The following TMEM244 variants were observed in gnomAD, a reference collection of about 807,000 sequenced individuals.
TMEM244 encodes transmembrane protein 244.
In TMEM244, 13 loss-of-function variants were observed where a neutral mutation model predicts 15.8. That is an observed-to-expected ratio of 0.82 (90% CI 0.53 to 1.30). The LOEUF (loss-of-function observed/expected upper bound fraction) is 1.30, where lower values mean the gene tolerates loss of function less well. Ranked by LOEUF, TMEM244 falls within the 50% of genes most tolerant of loss-of-function variation. TMEM244 has a pLI of 0.00. For synonymous variants in TMEM244, 45 were observed against 48.7 expected (o/e 0.92, Z 0.32); for missense variants, 161 against 144.9 (o/e 1.11, Z -0.57).
intron 3 of TMEM244, among the ~76,000 whole-genome samples, chr6:129,837,689 G>A (rs1162381188): frequency 6.6e-6 from 1 of 152,158 alleles, no homozygotes; most frequent in African/African-American, 2.4e-5. Context: ...CATCTCATGT[G>A]CAAAGACGCA....
chr6:129,844,953 T>C (rs1776542334), intron 2 of TMEM244, among the ~76,000 whole-genome samples: 2 of 152,246 alleles, frequency 1.3e-5, no homozygotes, highest in South Asian at 4.1e-4. Flanking sequence ...AAATCATTTG[T>C]AAATATACAT....
At chr6:129,852,617 T>C (rs2114644464) in intron 1 of TMEM244, among the ~76,000 whole-genome samples, 1 of 152,208 alleles carries the variant, frequency 6.6e-6, no homozygotes, top group African/African-American at 2.4e-5. Context: ...GACCAGAGGA[T>C]GTGTTGTTCT....
chr6:129,857,011 TTAAA>T (rs1180221527), intron 1 of TMEM244, among the ~76,000 whole-genome samples: 3 of 152,084 alleles, frequency 2.0e-5, no homozygotes, highest in Non-Finnish European at 2.9e-5. Flanking sequence ...AAGCTTATGA[TTAAA>T]TAAATTCTTT....
intron 4 of TMEM244, among the ~76,000 whole-genome samples, chr6:129,831,979 T>C (rs2114630804): frequency 6.6e-6 from 1 of 152,284 alleles, no homozygotes; most frequent in South Asian, 2.1e-4. Flanking sequence ...AGGGTTTGTG[T>C]CTGTGGAAAC....
chr6:129,861,005 C>A, intron 1 of TMEM244, 151 bp downstream of exon 1: 3 of 747,390 alleles, frequency 4.0e-6, no homozygotes, highest in South Asian at 3.8e-5. Context: ...CCACAAGATG[C>A]AAGCCGTGCA....
At chr6:129,852,392 T>C (rs1353169525) in intron 1 of TMEM244, among the ~76,000 whole-genome samples, 1 of 152,180 alleles carries the variant, frequency 6.6e-6, no homozygotes, top group African/African-American at 2.4e-5. Context: ...TTTGCAAACC[T>C]TATCTCCTTT....
At chr6:129,836,203 G>A (rs374723157) in intron 3 of TMEM244, among the ~76,000 whole-genome samples, 11 of 152,126 alleles carry the variant, frequency 7.2e-5, no homozygotes, top group African/African-American at 2.4e-4. Flanking sequence ...CCTCTGGGAC[G>A]AAGCTTCCAG....
chr6:129,850,829 T>A (rs1305014164), intron 1 of TMEM244, among the ~76,000 whole-genome samples: 1 of 152,224 alleles, frequency 6.6e-6, no homozygotes, highest in Non-Finnish European at 1.5e-5. Context: ...ACATCTCAAT[T>A]CAGACTAGCT....
At chr6:129,842,051 C>G (rs1018572389) in intron 3 of TMEM244, among the ~76,000 whole-genome samples, 2 of 152,152 alleles carry the variant, frequency 1.3e-5, no homozygotes, top group African/African-American at 4.8e-5. Flanking sequence ...GAAAGGACGA[C>G]TGTAAACTCT....
intron 2 of TMEM244, among the ~76,000 whole-genome samples, chr6:129,843,829 C>A (rs1776524956): frequency 6.6e-6 from 1 of 152,144 alleles, no homozygotes; most frequent in African/African-American, 2.4e-5. Flanking sequence ...GCTAGAATTA[C>A]AAGTTGTGGT....
At chr6:129,852,367 C>T (rs549798790) in intron 1 of TMEM244, among the ~76,000 whole-genome samples, 6 of 152,216 alleles carry the variant, frequency 3.9e-5, no homozygotes, top group South Asian at 2.1e-4. Context: ...ATGTGCAAGA[C>T]GCCAAGCAAG....
At chr6:129,860,104 C>A (rs1310966868) in intron 1 of TMEM244, among the ~76,000 whole-genome samples, 2 of 140,610 alleles carry the variant, frequency 1.4e-5, no homozygotes, top group Non-Finnish European at 3.1e-5. Context: ...CTCTGCAATG[C>A]GTGTGTGTGT....
At chr6:129,848,944 C>T (rs1442554260) in intron 1 of TMEM244, among the ~76,000 whole-genome samples, 4 of 152,112 alleles carry the variant, frequency 2.6e-5, no homozygotes, top group South Asian at 2.1e-4. Context: ...CTTTTCTTAT[C>T]TCTGTTAGTA....
chr6:129,840,351 T>C (rs1172261567), intron 3 of TMEM244, among the ~76,000 whole-genome samples: 4 of 152,160 alleles, frequency 2.6e-5, no homozygotes, highest in Non-Finnish European at 4.4e-5. Context: ...ATTTAATAAA[T>C]GGTGCTGGGA....
intron 1 of TMEM244, among the ~76,000 whole-genome samples, chr6:129,855,601 C>T (rs1309645731): frequency 1.3e-5 from 2 of 152,164 alleles, no homozygotes; most frequent in African/African-American, 4.8e-5. Flanking sequence ...ATTCTAGAAT[C>T]AATCATATTT....
chr6:129,848,041 G>A (rs928105180), intron 1 of TMEM244, among the ~76,000 whole-genome samples: 2 of 151,778 alleles, frequency 1.3e-5, no homozygotes, highest in African/African-American at 2.4e-5. Flanking sequence ...CAGAAAGTGC[G>A]GGGATTACAG....
Position 129,836,954 on chromosome 6 carries a change from T to C in TMEM244, c.194-3369A>G, listed in dbSNP as rs542016935. Reference sequence around the variant, plus strand: ...AAAGACCAAATATACATTTGGTGGGTGTACCTGAAAGTGATAGGAGAATGG... The same window carrying C: ...AAAGACCAAATATACATTTGGTGGGCGTACCTGAAAGTGATAGGAGAATGG... On this transcript the variant is annotated intron_variant, in intron 3 of 4. Transcript: ENST00000368143. Among the ~76,000 whole-genome samples, 8 of 152,180 alleles carry C rather than the reference T, an allele frequency of 5.3e-5. No individual in the cohort carries two copies. The South Asian group carries it at 6.2e-4, about 12-fold the overall frequency.
intron 3 of TMEM244, among the ~76,000 whole-genome samples, chr6:129,833,981 A>T (rs1776366034): frequency 6.6e-6 from 1 of 152,246 alleles, no homozygotes. Context: ...AATTAAACCA[A>T]ATGTAAGAGT....
chr6:129,836,755 T>A (rs80160580), intron 3 of TMEM244, among the ~76,000 whole-genome samples: 56,710 of 151,990 alleles, frequency 0.37, 11,080 homozygotes, highest in South Asian at 0.5. Context: ...CTGAAAACCA[T>A]GGAATGAGAA....
Sources: gnomAD v4.1 joint callset for allele counts (sites outside exome capture counted in the v4.1 genomes callset) on GRCh38, gnomAD v4.1.1 for gene constraint, MANE v1.5 for transcripts, NCBI Gene and HGNC (gene_info 2026-07-23, HGNC 2026-07-21) for gene names.